Variants in SEMA6C observed in about 807,000 individuals in gnomAD.
SEMA6C encodes the protein semaphorin-6C.
Under a neutral mutation model 72.9 loss-of-function variants are expected in SEMA6C, and 37 were observed. That is an observed-to-expected ratio of 0.51 (90% CI 0.39 to 0.67). The LOEUF (loss-of-function observed/expected upper bound fraction) is 0.67. Among genes scored for constraint, SEMA6C ranks in the 30% least tolerant of loss-of-function variants. SEMA6C has a pLI of 0.00. For synonymous variants in SEMA6C, 578 were observed against 554.1 expected (o/e 1.04, Z -0.61); for missense variants, 1,189 against 1,263.6 (o/e 0.94, Z 0.89).
In SEMA6C at chr1:151,132,103, A is replaced by T; in HGVS notation, c.*381T>A. 2 of 828,402 alleles carry T rather than the reference A, an allele frequency of 2.4e-6. No individual in the cohort carries two copies. The highest frequency in any genetic ancestry group is 3.3e-6 in the Non-Finnish European group (2 of 602,184). 51.3% of individuals were successfully genotyped at this position (828,402 alleles called of 1,614,324 possible). A position where few individuals can be genotyped will look rare whatever the true frequency, so the allele number is the denominator to read the frequency against. ...AGCGGAGGCTCCTACACAGTAGGAG[A>T]GGCACGTCCCAGACCCAGAAGGCCC... On this transcript the variant is annotated 3_prime_UTR_variant, in exon 19 of 19. Transcript: ENST00000368914.
At chr1:151,139,726 C>T (rs1558187009) in intron 4 of SEMA6C, 25 bp from the exon 5 acceptor site, 4 of 1,576,580 alleles carry the variant, frequency 2.5e-6, no homozygotes, top group Admixed American at 3.5e-5. Context: ...AAGGAGGGGT[C>T]AGAGCCTAGT....
At position 151,133,046 on chromosome 1, in the gene SEMA6C, G is replaced by A; in HGVS notation, c.2231C>T (p.Pro744Leu). The change falls in exon 19 of 19, where the codon CCC (proline) becomes CTC (leucine). Residue 744 changes from proline to leucine, a missense_variant. Coordinates refer to ENST00000368914, the MANE Select transcript of SEMA6C (RefSeq NM_030913.6). The surrounding 1 kb of genome is among the most constrained non-coding windows in gnomAD (Gnocchi z 5.9). ...RSRGGHAAGGPAPRVLVRPPP... is the reference protein window; with the variant it reads ...RSRGGHAAGGLAPRVLVRPPP... ...TGGCCTCACCAGCACGCGGGGCGCGGGCCCGCCCGCCGCGTGCCCGCCCCG... is the reference window on the plus strand; with the variant it reads ...TGGCCTCACCAGCACGCGGGGCGCGAGCCCGCCCGCCGCGTGCCCGCCCCG... 7.1e-7 allele frequency: 1 copy of A among 1,413,518 alleles called. No homozygotes were observed. The highest frequency in any genetic ancestry group is 9.2e-7 in the Non-Finnish European group (1 of 1,092,654). The allele number at this position is 1,413,518 out of a possible 1,614,324, so 87.6% of individuals were successfully genotyped here.
intron 18 of SEMA6C, chr1:151,134,100 T>C: frequency 1.5e-6 from 2 of 1,318,802 alleles, no homozygotes; most frequent in Non-Finnish European, 2.1e-6. Context: ...TCTTGATCTC[T>C]ACCCCTGACA....
rs1345179928 is a variant in SEMA6C, at chr1:151,134,803, A to G, written c.1653T>C (p.Ser551=). The change falls in exon 16 of 19, where the codon TCT becomes TCC. Residue 551 remains serine (S), a synonymous_variant. Coordinates refer to ENST00000368914, the MANE Select transcript of SEMA6C (RefSeq NM_030913.6). Reference sequence around the variant, plus strand: ...CCCAAGGACCCATCACTTACCCACCAGATCCCCTGATATCCACACAGCCCC... The same window carrying G: ...CCCAAGGACCCATCACTTACCCACCGGATCCCCTGATATCCACACAGCCCC... ...SSRGCVDIRG[S]GGTDVDQAGN... 3.1e-6 allele frequency: 5 copies of G among 1,613,972 alleles called. 1 individual carries two copies. The highest frequency in any genetic ancestry group is 1.7e-6 in the Non-Finnish European group (2 of 1,179,954).
At chr1:151,140,654 C>CA (rs1269383939) in intron 3 of SEMA6C, among the ~76,000 whole-genome samples, 2 of 152,216 alleles carry the variant, frequency 1.3e-5, no homozygotes, top group Non-Finnish European at 2.9e-5. Flanking sequence ...CCACAGTCAT[C>CA]AGTGGTCAAA....
chr1:151,134,287 C>T, intron 18 of SEMA6C, 114 bp downstream of exon 18: 1 of 1,083,138 alleles, frequency 9.2e-7, no homozygotes, highest in Non-Finnish European at 1.4e-6. Flanking sequence ...AGGATGCCGA[C>T]CCTTTTCCGA....
intron 15 of SEMA6C, 123 bp from the exon 16 acceptor site, chr1:151,134,998 G>T (rs1681900086): frequency 7.5e-7 from 1 of 1,326,260 alleles, no homozygotes; most frequent in African/African-American, 1.4e-5. Flanking sequence ...GTCCACCTCA[G>T]TCTCTCCACA....
chr1:151,138,565 C>T lies in SEMA6C; in HGVS notation c.456+65G>A, dbSNP rs905055261. On this transcript the variant is annotated intron_variant, in intron 7 of 18. Coordinates refer to ENST00000368914, the MANE Select transcript of SEMA6C (RefSeq NM_030913.6). ...ACCGCAGTCCTTGGTCCTTTCCCAT[C>T]AAACCCATTGCCCATCTTGGGGTCC... 20 of 1,529,652 alleles carry T rather than the reference C, an allele frequency of 1.3e-5. No homozygotes were observed. The East Asian group carries it at 3.2e-4, about 24-fold the overall frequency. 94.8% of individuals were successfully genotyped at this position (1,529,652 alleles called of 1,614,324 possible).
At chr1:151,139,204 G>A (rs1386901182) in intron 6 of SEMA6C, among the ~76,000 whole-genome samples, 1 of 152,192 alleles carries the variant, frequency 6.6e-6, no homozygotes, top group Non-Finnish European at 1.5e-5. Context: ...TGGCCCTCTG[G>A]CCTTCTGCAA....
Position 151,134,646 on chromosome 1 carries a change from T to G in SEMA6C, c.1688A>C (p.Glu563Ala). The change falls in exon 17 of 19, where the codon GAA (glutamate) becomes GCA (alanine). Residue 563 changes from glutamate to alanine, a missense_variant. Around this residue, in one of 2 missense-constraint regions of SEMA6C, gnomAD observed 721 missense variants for 686.2 expected, o/e 1.05. Coordinates refer to ENST00000368914, the MANE Select transcript of SEMA6C (RefSeq NM_030913.6). Reference protein sequence around the residue: ...GTDVDQAGNQESMEHGDCQDG... With the variant: ...GTDVDQAGNQASMEHGDCQDG... ...TTGGCAGTCACCATGCTCCATGGATTCCTGGTTCCCAGCCTGATCCACATC... is the reference window on the plus strand; with the variant it reads ...TTGGCAGTCACCATGCTCCATGGATGCCTGGTTCCCAGCCTGATCCACATC... 6.2e-7 allele frequency: 1 copy of G among 1,614,216 alleles called. No individual in the cohort carries two copies. The highest frequency in any genetic ancestry group is 8.5e-7 in the Non-Finnish European group (1 of 1,180,042).
chr1:151,133,115 C>A lies in SEMA6C; in HGVS notation c.2162G>T (p.Trp721Leu). The A allele has an allele frequency of 6.4e-7, 1 of 1,566,910 alleles. No individual in the cohort carries two copies. Among genetic ancestry groups the A allele is most frequent in the Non-Finnish European group, 8.6e-7 (1 of 1,167,912 alleles). The change falls in exon 19 of 19, where the codon TGG becomes TTG. Residue 721 changes from tryptophan to leucine, a missense_variant. Transcript: ENST00000368914. This position sits in a 1 kb window ranked among gnomAD's most constrained non-coding sequence, Gnocchi z 5.9. Reference protein sequence around the residue: ...HLRAAGDPWEWNQNRNNAKEG... With the variant: ...HLRAAGDPWELNQNRNNAKEG... ...CTTGGCGTTGTTCCTGTTCTGGTTC[C>A]ACTCCCAGGGGTCCCCGGCGGCGCG...
Position 151,134,430 on chromosome 1 carries a change from C to T in SEMA6C, c.1730G>A (p.Ser577Asn), listed in dbSNP as rs977932941. 4.4e-6 allele frequency: 7 copies of T among 1,598,884 alleles called. No homozygotes were observed. Among genetic ancestry groups the T allele is most frequent in the Non-Finnish European group, 6.0e-6 (7 of 1,172,376 alleles). Residue 577 changes from serine (S) to asparagine (N), a missense_variant, in exon 18 of 19, where the codon AGT (serine) becomes AAT (asparagine). Physicochemically the swap from Ser to Asn is conservative, Grantham distance 46. This residue lies in a region of SEMA6C where 721 missense variants were observed against 686.2 expected (regional missense o/e 1.05). Coordinates refer to ENST00000368914, the MANE Select transcript of SEMA6C (RefSeq NM_030913.6). ...AGCAGAATCCCCAGGGCCAGACTGA[C>T]TCCCAGTAGCTCCATCTATGAAGAA... is the stretch of plus-strand genomic sequence containing the variant. ...HGDCQDGATG[S>N]QSGPGDSAYG...
In SEMA6C at chr1:151,134,341, A is replaced by G. The variant is rs1681832720; in HGVS notation, c.1759+60T>C. ...AATGCTGCTCTGCTGCTGCTACAGG[A>G]CACACACTCAGGTATGTGGGCTGAG... On this transcript the variant is annotated intron_variant, in intron 18 of 18. Coordinates refer to ENST00000368914, the MANE Select transcript of SEMA6C (RefSeq NM_030913.6). 2.8e-6 allele frequency: 4 copies of G among 1,436,524 alleles called. No individual in the cohort carries two copies. In the Admixed American group the frequency reaches 7.8e-5, roughly 28 times the overall value. The allele number at this position is 1,436,524 out of a possible 1,614,324, so 89.0% of individuals were successfully genotyped here.
rs1378784139 is a variant in SEMA6C, at chr1:151,136,913, A to G, written c.918T>C (p.Pro306=). The G allele has an allele frequency of 6.2e-7, 1 of 1,614,140 alleles. No individual in the cohort carries two copies. The highest frequency in any genetic ancestry group is 2.2e-5 in the East Asian group (1 of 44,882). Residue 306 remains proline, a synonymous_variant, in exon 11 of 19, where the codon CCT becomes CCC. Transcript: ENST00000368914. The part of the protein sequence containing the change: ...YFDVLQALTG[P]VNLHGRSALF... ...GAGCAGAGCGGCCATGCAGGTTCAC[A>G]GGCCCAGTCAAGGCCTGTAAAACAT...
chr1:151,135,566 G>A, intron 14 of SEMA6C, 25 bp downstream of exon 14: 1 of 1,593,790 alleles, frequency 6.3e-7, no homozygotes, highest in Non-Finnish European at 8.5e-7. Context: ...TGCTTTGCAG[G>A]GGGCCTGCCC....
Position 151,135,895 on chromosome 1 carries a change from C to T in SEMA6C, c.1259+116G>A, listed in dbSNP as rs1351823461. The T allele has an allele frequency of 1.3e-5, 20 of 1,528,982 alleles. No individual in the cohort carries two copies. In the East Asian group the frequency reaches 4.6e-4, roughly 35 times the overall value. 94.7% of individuals were successfully genotyped at this position (1,528,982 alleles called of 1,614,324 possible). ...CCCAGGGTTGCCTTCTTAGCTCTCTCCCTTCTACTTTCACAAGTTCTTCCT... is the reference window on the plus strand; with the variant it reads ...CCCAGGGTTGCCTTCTTAGCTCTCTTCCTTCTACTTTCACAAGTTCTTCCT... On this transcript the variant is annotated intron_variant, in intron 13 of 18. Transcript: ENST00000368914.
chr1:151,139,374 G>A, intron 6 of SEMA6C, 51 bp downstream of exon 6: 1 of 1,489,678 alleles, frequency 6.7e-7, no homozygotes. Context: ...GACAGAGACT[G>A]GGGGCAGAGT....
rs951142515 is a variant in SEMA6C, at chr1:151,137,997, T to A, written c.656A>T (p.Lys219Met). 6.2e-7 allele frequency: 1 copy of A among 1,613,994 alleles called. No individual in the cohort carries two copies. Among genetic ancestry groups the A allele is most frequent in the South Asian group, 1.1e-5 (1 of 91,062 alleles). Residue 219 changes from lysine to methionine, a missense_variant, in exon 9 of 19, where the codon AAG becomes ATG. Physicochemically the swap from Lys to Met is moderately conservative, Grantham distance 95 (BLOSUM62 -1). Around this residue, in one of 2 missense-constraint regions of SEMA6C, gnomAD observed 468 missense variants for 577.4 expected, o/e 0.81. Transcript: ENST00000368914. Reference sequence around the variant, plus strand: ...AGGCCCGCCCTGACCTCGGAGCCACTTGGAGTCATACTTGGCGGAGCGGAG... The same window carrying A: ...AGGCCCGCCCTGACCTCGGAGCCACATGGAGTCATACTTGGCGGAGCGGAG... ...PPLRSAKYDS[K>M]WLREPHFVQA...
At position 151,145,555 on chromosome 1, in the gene SEMA6C, C is replaced by T. The variant is rs1218513054; in HGVS notation, c.-105+878G>A. 2 of 152,422 alleles carry T rather than the reference C, an allele frequency of 1.3e-5. No individual in the cohort carries two copies. The highest frequency in any genetic ancestry group is 6.5e-5 in the Admixed American group (1 of 15,288). 9.4% of individuals were successfully genotyped at this position (152,422 alleles called of 1,614,324 possible). ...AGAGGTGGGCCTAGGGCCAGGGGCTCGACCTGTCTCCCCCTCACCGGATCC... is the reference window on the plus strand; with the variant it reads ...AGAGGTGGGCCTAGGGCCAGGGGCTTGACCTGTCTCCCCCTCACCGGATCC... On this transcript the variant is annotated intron_variant, in intron 1 of 18. Coordinates refer to ENST00000368914, the MANE Select transcript of SEMA6C (RefSeq NM_030913.6). The surrounding 1 kb of genome is among the most constrained non-coding windows in gnomAD (Gnocchi z 4.4).
Sources: gnomAD v4.1 joint callset for allele counts (sites outside exome capture counted in the v4.1 genomes callset) on GRCh38, gnomAD v4.1.1 for gene constraint, gnomAD v4.1.1 regional missense constraint, Gnocchi (gnomAD v3.1) non-coding constraint, MANE v1.5 for transcripts, NCBI Gene and HGNC (gene_info 2026-07-23, HGNC 2026-07-21) for gene names.